Variants in NT5C2 observed in about 807,000 individuals in gnomAD.
The protein encoded by NT5C2 is cytosolic purine 5'-nucleotidase.
A neutral mutation model predicts 76.1 loss-of-function variants in NT5C2; 58 were observed. The observed-to-expected ratio is 0.76, with a 90% confidence interval of 0.62 to 0.95. NT5C2 has a LOEUF of 0.95. Ranked by LOEUF, NT5C2 falls within the 40% of genes least tolerant of loss-of-function variation. The pLI is 0.00. For synonymous variants in NT5C2, 229 were observed against 237.4 expected (o/e 0.96, Z 0.32); for missense variants, 478 against 690.3 (o/e 0.69, Z 3.45).
At chr10:103,095,831 G>C in intron 12 of NT5C2, 108 bp downstream of exon 12, 1 of 907,420 alleles carries the variant, frequency 1.1e-6, no homozygotes, top group Non-Finnish European at 1.8e-6. Flanking sequence ...TTAAAAAGTA[G>C]GACTTTTCTG....
intron 8 of NT5C2, 96 bp from the exon 9 acceptor site, chr10:103,100,115 A>C: frequency 1.3e-6 from 1 of 742,792 alleles, no homozygotes; most frequent in Non-Finnish European, 2.3e-6. Context: ...GTTCCATATC[A>C]CATGGGTAAA....
At chr10:103,155,663 T>C (rs2083219571) in intron 3 of NT5C2, among the ~76,000 whole-genome samples, 1 of 152,124 alleles carries the variant, frequency 6.6e-6, no homozygotes. Context: ...CACTCCAGCC[T>C]AGGTGACAGA....
Position 103,095,930 on chromosome 10 carries a change from A to G in NT5C2, c.813+9T>C, listed in dbSNP as rs773293337. On this transcript the variant is annotated intron_variant, in intron 12 of 18. Coordinates refer to ENST00000404739, the MANE Select transcript of NT5C2 (RefSeq NM_001351169.2). ...TTAAAGCAGTGGTCTATTGAGTCAC[A>G]TACGGTACCTTGGGGCCATGTGGGA... is the stretch of plus-strand genomic sequence containing the variant. 1.2e-6 allele frequency: 2 copies of G among 1,610,638 alleles called. No homozygotes were observed. The highest frequency in any genetic ancestry group is 2.2e-5 in the South Asian group (2 of 90,976).
chr10:103,133,922 C>A (rs2078709795), intron 4 of NT5C2, among the ~76,000 whole-genome samples: 1 of 152,192 alleles, frequency 6.6e-6, no homozygotes, highest in Non-Finnish European at 1.5e-5. Flanking sequence ...AGCAAAGAGA[C>A]TGGTGGCATT....
chr10:103,148,834 C>T (rs1400760501), intron 3 of NT5C2, among the ~76,000 whole-genome samples: 1 of 151,896 alleles, frequency 6.6e-6, no homozygotes, highest in African/African-American at 2.4e-5. Context: ...TTTAAAATGC[C>T]ATCAATTATA....
chr10:103,188,767 T>C (rs962371720), intron 1 of NT5C2, among the ~76,000 whole-genome samples: 5 of 152,154 alleles, frequency 3.3e-5, no homozygotes, highest in African/African-American at 1.2e-4. Flanking sequence ...TTCGGGAGGC[T>C]GAGGTGGGCA....
At chr10:103,140,411 T>C (rs2080186955) in intron 3 of NT5C2, among the ~76,000 whole-genome samples, 1 of 152,224 alleles carries the variant, frequency 6.6e-6, no homozygotes, top group African/African-American at 2.4e-5. Context: ...ATTGTGTGTA[T>C]ATATACCACA....
At chr10:103,177,540 C>G (rs2090224685) in intron 2 of NT5C2, among the ~76,000 whole-genome samples, 1 of 152,138 alleles carries the variant, frequency 6.6e-6, no homozygotes, top group Admixed American at 6.6e-5. Context: ...CTCCCTTCTT[C>G]TGAGACAGGG....
At chr10:103,160,839 C>G (rs1245540277) in intron 3 of NT5C2, among the ~76,000 whole-genome samples, 1 of 152,082 alleles carries the variant, frequency 6.6e-6, no homozygotes, top group Non-Finnish European at 1.5e-5. Flanking sequence ...ATGGTGAACC[C>G]CTATCTCTAC....
chr10:103,119,936 A>T (rs1178373097), intron 4 of NT5C2, among the ~76,000 whole-genome samples: 1 of 151,986 alleles, frequency 6.6e-6, no homozygotes, highest in Non-Finnish European at 1.5e-5. Flanking sequence ...CCATTTCTAC[A>T]AAAAATAAAA....
At chr10:103,175,913 G>GT in intron 2 of NT5C2, 1 of 156,692 alleles carries the variant, frequency 6.4e-6, no homozygotes, top group African/African-American at 2.4e-5. Flanking sequence ...CAGGAGCAAG[G>GT]TGCCTGTAGC....
At chr10:103,153,846 G>T (rs548489500) in intron 3 of NT5C2, 1 of 920,814 alleles carries the variant, frequency 1.1e-6, no homozygotes, top group Admixed American at 6.2e-5. Flanking sequence ...ACAAGAGAAG[G>T]AAGTATGTGC....
chr10:103,188,827 C>A (rs949522435), intron 1 of NT5C2, among the ~76,000 whole-genome samples: 2 of 152,078 alleles, frequency 1.3e-5, no homozygotes, highest in East Asian at 1.9e-4. Context: ...CATGGTGAAA[C>A]CCCATCTCTA....
chr10:103,156,148 G>A (rs1445371639), intron 3 of NT5C2, among the ~76,000 whole-genome samples: 3 of 151,918 alleles, frequency 2.0e-5, no homozygotes, highest in African/African-American at 4.8e-5. Context: ...GCAACAGAGT[G>A]AGACTCCATC....
At chr10:103,129,559 G>T (rs1248330954) in intron 4 of NT5C2, among the ~76,000 whole-genome samples, 1 of 109,128 alleles carries the variant, frequency 9.2e-6, no homozygotes. Context: ...CAGCCGCCCC[G>T]TCCGGGAGGG....
At chr10:103,170,145 T>A (rs2087515178) in intron 3 of NT5C2, among the ~76,000 whole-genome samples, 1 of 151,848 alleles carries the variant, frequency 6.6e-6, no homozygotes. Flanking sequence ...TTAATTAATT[T>A]AAAAAAATAA....
chr10:103,105,952 C>T (rs2071145250), intron 5 of NT5C2, 151 bp from the exon 6 acceptor site: 1 of 538,184 alleles, frequency 1.9e-6, no homozygotes, highest in African/African-American at 1.9e-5. Context: ...TGAGTAAAAT[C>T]TTAAAAACTA....
intron 4 of NT5C2, among the ~76,000 whole-genome samples, chr10:103,119,890 G>C (rs1456432971): frequency 2.6e-5 from 4 of 152,102 alleles, no homozygotes; most frequent in Admixed American, 6.6e-5. Flanking sequence ...CTTGAGTCCA[G>C]GAATTAGAGA....
intron 2 of NT5C2, among the ~76,000 whole-genome samples, chr10:103,177,559 T>C (rs900251181): frequency 2.0e-5 from 3 of 152,208 alleles, no homozygotes; most frequent in African/African-American, 4.8e-5. Context: ...GGTCTCACTG[T>C]TGCCCAGGCT....
Sources: allele counts gnomAD v4.1 joint callset (sites outside exome capture counted in the v4.1 genomes callset), GRCh38; gene constraint gnomAD v4.1.1; transcripts MANE v1.5; gene names NCBI Gene and HGNC (gene_info 2026-07-23, HGNC 2026-07-21).